ATP2B1: variants seen among roughly 807,000 people sequenced by gnomAD.
ATP2B1 encodes the protein plasma membrane calcium-transporting ATPase 1.
A neutral mutation model predicts 124.2 loss-of-function variants in ATP2B1; 14 were observed. The ratio of observed to expected loss-of-function variants is 0.11; its 90% confidence interval spans 0.07 to 0.18. The LOEUF (loss-of-function observed/expected upper bound fraction) is 0.18. Among genes scored for constraint, ATP2B1 ranks in the 10% least tolerant of loss-of-function variants. The pLI is 1.00. For missense variants in ATP2B1, 763 were observed against 1,466.1 expected (o/e 0.52, Z 7.83); for synonymous variants, 449 against 492.4 (o/e 0.91, Z 1.17).
intron 1 of ATP2B1, among the ~76,000 whole-genome samples, chr12:89,692,414 T>C (rs977283155): frequency 1.3e-5 from 2 of 152,298 alleles, no homozygotes; most frequent in East Asian, 3.9e-4. Context: ...CTTCACTTTC[T>C]CCCTATATCT....
Position 89,656,114 on chromosome 12 carries a change from G to T in ATP2B1, c.-221-7C>A. The T allele has an allele frequency of 2.3e-6, 1 of 437,466 alleles. No individual in the cohort carries two copies. Among genetic ancestry groups the T allele is most frequent in the South Asian group, 7.7e-5 (1 of 12,954 alleles). 27.1% of individuals were successfully genotyped at this position (437,466 alleles called of 1,614,324 possible). On this transcript the variant is annotated splice_polypyrimidine_tract_variant and splice_region_variant and intron_variant, in intron 1 of 20. Transcript: ENST00000428670. ...AATCATGAGATATACACATCTGTAAGAAGAAAATATTTAAAAGTTAATAAA... is the reference window on the plus strand; with the variant it reads ...AATCATGAGATATACACATCTGTAATAAGAAAATATTTAAAAGTTAATAAA...
At chr12:89,652,414 T>C (rs1319125951) in intron 2 of ATP2B1, among the ~76,000 whole-genome samples, 1 of 152,192 alleles carries the variant, frequency 6.6e-6, no homozygotes, top group African/African-American at 2.4e-5. Context: ...TATATGTCAA[T>C]GAATGAATCA....
chr12:89,698,906 G>T (rs1891495560), intron 1 of ATP2B1, among the ~76,000 whole-genome samples: 2 of 152,110 alleles, frequency 1.3e-5, no homozygotes, highest in African/African-American at 4.8e-5. Flanking sequence ...TTTTGAGTGT[G>T]GTACCCTGGT....
intron 1 of ATP2B1, among the ~76,000 whole-genome samples, chr12:89,687,309 A>G (rs1048324644): frequency 1.3e-5 from 2 of 152,130 alleles, no homozygotes; most frequent in African/African-American, 4.8e-5. Flanking sequence ...GTACAGTAAC[A>G]TGCTATATGG....
chr12:89,693,875 T>C (rs1196045483), intron 1 of ATP2B1, among the ~76,000 whole-genome samples: 2 of 152,234 alleles, frequency 1.3e-5, no homozygotes, highest in Non-Finnish European at 2.9e-5. Flanking sequence ...TACTTTGTTT[T>C]ACATGGTTCA....
chr12:89,705,758 CAGAGAACACAT>C (rs370161785), intron 1 of ATP2B1, among the ~76,000 whole-genome samples: 208 of 152,222 alleles, frequency 1.4e-3, no homozygotes, highest in African/African-American at 4.7e-3. Flanking sequence ...CATAGTTCGA[CAGAGAACACAT>C]AGCAGTAAGG....
chr12:89,674,023 G>A lies in ATP2B1; in HGVS notation c.-221-17916C>T, dbSNP rs796792677. ...AGAGGTGAAGACTGACTTTCATGTCGTTTAACCTCTTACTGACATGGGCAA... is the reference window on the plus strand; with the variant it reads ...AGAGGTGAAGACTGACTTTCATGTCATTTAACCTCTTACTGACATGGGCAA... On this transcript the variant is annotated intron_variant, in intron 1 of 20. Transcript: ENST00000428670. Among the ~76,000 whole-genome samples the A allele has an allele frequency of 3.9e-5, 6 of 152,072 alleles. No homozygotes were observed. In the East Asian group the frequency reaches 7.7e-4, roughly 20 times the overall value.
intron 1 of ATP2B1, among the ~76,000 whole-genome samples, chr12:89,675,255 T>C (rs1033154280): frequency 6.6e-6 from 1 of 152,168 alleles, no homozygotes; most frequent in African/African-American, 2.4e-5. Flanking sequence ...TCATTAAAAA[T>C]GAACTAGAAA....
rs572455652 is a variant in ATP2B1 at position 89,655,746 on chromosome 12, T to C, written c.141A>G (p.Arg47=). 1 of 1,614,180 alleles carries C rather than the reference T, an allele frequency of 6.2e-7. No homozygotes were observed. The highest frequency in any genetic ancestry group is 1.1e-5 in the South Asian group (1 of 91,088). The change falls in exon 2 of 21, where the codon CGA becomes CGG. Residue 47 remains arginine (R), a synonymous_variant. Coordinates refer to ENST00000428670, the MANE Select transcript of ATP2B1 (RefSeq NM_001366521.1). ...LMELRSTDAL[R]KIQESYGDVY... ...CATCTCCATAGCTTTCCTGTATTTT[T>C]CGTAATGCATCTGTGGACCTGAGCT...
chr12:89,701,728 T>G (rs1891875158), intron 1 of ATP2B1, among the ~76,000 whole-genome samples: 1 of 152,176 alleles, frequency 6.6e-6, no homozygotes, highest in South Asian at 2.1e-4. Context: ...TTTTTTTGTT[T>G]GGTAAACAGG....
At position 89,603,960 on chromosome 12, in the gene ATP2B1, A is replaced by G; in HGVS notation, c.2635-35T>C. ...ATATGTTTCCTAATAGACATTCACA[A>G]CTACTCAGGGGCTCAGCAATTCTCA... On this transcript the variant is annotated intron_variant, in intron 16 of 20. Coordinates refer to ENST00000428670, the MANE Select transcript of ATP2B1 (RefSeq NM_001366521.1). The surrounding 1 kb of genome is among the most constrained non-coding windows in gnomAD (Gnocchi z 4.3). 1 of 1,596,948 alleles carries G rather than the reference A, an allele frequency of 6.3e-7. No homozygotes were observed. The highest frequency in any genetic ancestry group is 1.1e-5 in the South Asian group (1 of 90,116).
rs749918011 is a variant in ATP2B1, at chr12:89,656,097, G to GA, written c.-212dup. The GA allele has an allele frequency of 2.0e-5, 10 of 492,580 alleles. No homozygotes were observed. The highest frequency in any genetic ancestry group is 3.6e-5 in the Non-Finnish European group (10 of 280,514). The allele number at this position is 492,580 out of a possible 1,614,324, so 30.5% of individuals were successfully genotyped here. ...ACTAGTTTCTCCATATCAATCATGA[G>GA]ATATACACATCTGTAAGAAGAAAAT... On this transcript the variant is annotated 5_prime_UTR_variant, in exon 2 of 21. It removes the in-frame stop codon of an upstream open reading frame in the 5' UTR. Coordinates refer to ENST00000428670, the MANE Select transcript of ATP2B1 (RefSeq NM_001366521.1).
chr12:89,613,375 T>C (rs1370172732), intron 12 of ATP2B1, among the ~76,000 whole-genome samples: 1 of 152,204 alleles, frequency 6.6e-6, no homozygotes, highest in Non-Finnish European at 1.5e-5. Context: ...TCATAAAAGT[T>C]ATTTCCCTCT....
At chr12:89,654,795 ATT>A in intron 2 of ATP2B1, among the ~76,000 whole-genome samples, 1 of 152,144 alleles carries the variant, frequency 6.6e-6, no homozygotes, top group South Asian at 2.1e-4. Context: ...TTTCTCTAGA[ATT>A]AGCTTTGGAA....
At chr12:89,657,648 G>C (rs576281418) in intron 1 of ATP2B1, among the ~76,000 whole-genome samples, 10 of 152,342 alleles carry the variant, frequency 6.6e-5, no homozygotes, top group African/African-American at 2.2e-4. Flanking sequence ...ATCACCCAGA[G>C]AATCAGTTAG....
chr12:89,592,350 GAAAT>G (rs1300783322), intron 20 of ATP2B1, among the ~76,000 whole-genome samples: 2 of 151,990 alleles, frequency 1.3e-5, no homozygotes, highest in Admixed American at 6.6e-5. Context: ...ATTGTTAAGA[GAAAT>G]AAATAACACT....
intron 8 of ATP2B1, among the ~76,000 whole-genome samples, chr12:89,625,541 T>C (rs2136116043): frequency 7.6e-6 from 1 of 131,342 alleles, no homozygotes; most frequent in South Asian, 2.3e-4. Context: ...GCTGTGATCA[T>C]GCCACTGTAT....
intron 1 of ATP2B1, among the ~76,000 whole-genome samples, chr12:89,681,250 A>G (rs916329512): frequency 6.6e-6 from 1 of 152,196 alleles, no homozygotes; most frequent in Non-Finnish European, 1.5e-5. Context: ...CCAAAATAAG[A>G]GATTAAAGAC....
intron 1 of ATP2B1, among the ~76,000 whole-genome samples, chr12:89,678,890 T>C (rs1191732765): frequency 2.6e-5 from 4 of 152,330 alleles, no homozygotes; most frequent in African/African-American, 9.6e-5. Flanking sequence ...ACAGTGTTCG[T>C]AAAGTTAGGT....
Sources: gnomAD v4.1 joint callset for allele counts (sites outside exome capture counted in the v4.1 genomes callset) on GRCh38, gnomAD v4.1.1 for gene constraint, Gnocchi (gnomAD v3.1) non-coding constraint, MANE v1.5 for transcripts, NCBI Gene and HGNC (gene_info 2026-07-23, HGNC 2026-07-21) for gene names.